The following UBXN6 variants were observed in gnomAD, a reference collection of about 807,000 sequenced individuals.
UBXN6 encodes the protein UBX domain protein 6.
UBXN6 carries 44 observed loss-of-function variants against 51.4 expected under a neutral mutation model. The ratio of observed to expected loss-of-function variants is 0.86; its 90% CI spans 0.67 to 1.10. The LOEUF (loss-of-function observed/expected upper bound fraction) is 1.10, where lower values mean the gene tolerates loss of function less well. Ranked by LOEUF, UBXN6 falls within the 50% of genes least tolerant of loss-of-function variation. The pLI, the probability that UBXN6 is intolerant of heterozygous loss-of-function variation, is 0.00. For missense variants in UBXN6, 672 were observed against 596.1 expected (o/e 1.13, Z -1.32); for synonymous variants, 316 against 263.2 (o/e 1.20, Z -1.94).
At chr19:4,457,433 CCCTGACGCCCA>C in intron 1 of UBXN6, among the ~76,000 whole-genome samples, 171 bp downstream of exon 1, 1 of 133,830 alleles carries the variant, frequency 7.5e-6, no homozygotes, top group Admixed American at 7.4e-5. Flanking sequence ...TCTCCCCTCC[CCCTGACGCCCA>C]CCCTCGGCCC....
intron 10 of UBXN6, 130 bp from the exon 11 acceptor site, chr19:4,445,753 C>T (rs1332790330): frequency 6.3e-6 from 9 of 1,435,618 alleles, no homozygotes; most frequent in South Asian, 2.7e-5. Flanking sequence ...GGCTGTGGCT[C>T]GCACCCAGGC....
rs774381742 is a variant in UBXN6 at position 4,452,436 on chromosome 19, G to A, written c.369C>T (p.Phe123=). ...GGGTGGCCCCAGTGAGCGGACAGGT[G>A]AAGTACACGCCAGGCACAGCCAGGT... ...SAHLAVPGVY[F]TCPLTGATLR... is the part of the protein sequence containing the mutation. The change falls in exon 4 of 11, where the codon TTC becomes TTT. Residue 123 remains phenylalanine, a synonymous_variant. Transcript: ENST00000301281. 1.2e-6 allele frequency: 2 copies of A among 1,612,716 alleles called. No homozygotes were observed. Among genetic ancestry groups the A allele is most frequent in the South Asian group, 1.1e-5 (1 of 90,988 alleles).
At chr19:4,447,348 G>T in intron 6 of UBXN6, 1 of 604,254 alleles carries the variant, frequency 1.7e-6, no homozygotes, top group South Asian at 1.9e-5. Flanking sequence ...AGAATTTGTT[G>T]ATTTGGGGTG....
chr19:4,454,496 T>A (rs774534985), intron 1 of UBXN6, among the ~76,000 whole-genome samples: 107 of 152,134 alleles, frequency 7.0e-4, no homozygotes, highest in Non-Finnish European at 8.1e-4. Context: ...GATCATGGCT[T>A]ACTGCAATCC....
At chr19:4,451,574 G>A (rs534866083) in intron 4 of UBXN6, among the ~76,000 whole-genome samples, 28 of 152,216 alleles carry the variant, frequency 1.8e-4, no homozygotes, top group East Asian at 1.2e-3. Flanking sequence ...GGCTAAAGCC[G>A]AAGTTTCTGA....
intron 7 of UBXN6, 37 bp downstream of exon 7, chr19:4,446,799 T>G: frequency 1.2e-6 from 2 of 1,613,754 alleles, no homozygotes; most frequent in East Asian, 2.2e-5. Flanking sequence ...AGGCCCCTCG[T>G]CCCCATTCCC....
At chr19:4,455,221 G>C (rs1018276549) in intron 1 of UBXN6, 2 of 985,330 alleles carry the variant, frequency 2.0e-6, no homozygotes, top group Admixed American at 6.2e-5. Context: ...ATGAACTTAC[G>C]GGCTGTGTCA....
intron 4 of UBXN6, among the ~76,000 whole-genome samples, chr19:4,451,540 G>A (rs1974653723): frequency 6.6e-6 from 1 of 152,174 alleles, no homozygotes; most frequent in African/African-American, 2.4e-5. Flanking sequence ...TTTTGGCAGA[G>A]ACAGGGTTTT....
chr19:4,445,719 C>G lies in UBXN6; in HGVS notation c.1201-96G>C, dbSNP rs139000566. On this transcript the variant is annotated intron_variant, in intron 10 of 10. Transcript: ENST00000301281. ...AACCTGGGCGCGGGGATGCCCCGGC[C>G]TGGAAGCCATCTCAGCTGGTGGAGG... The G allele has an allele frequency of 2.1e-4, 328 of 1,536,240 alleles. 2 individuals are homozygous for G. In the African/African-American group the frequency reaches 4.1e-3, roughly 19 times the overall value.
At chr19:4,447,797 C>T (rs1050033403) in intron 5 of UBXN6, 172 bp from the exon 6 acceptor site, 20 of 653,418 alleles carry the variant, frequency 3.1e-5, no homozygotes, top group South Asian at 8.5e-5. Context: ...AGGCACACCT[C>T]GGACACCCCA....
rs1229465331 is a variant in UBXN6 at position 4,453,445 on chromosome 19, T to C, written c.312+13A>G. The C allele has an allele frequency of 6.2e-7, 1 of 1,612,362 alleles. No homozygotes were observed. Reference sequence around the variant, plus strand: ...CCTTGGCATGGGACAGTGCCACCAGTGGCTGTTCTTACCACGTTGGTCCCT... The same window carrying C: ...CCTTGGCATGGGACAGTGCCACCAGCGGCTGTTCTTACCACGTTGGTCCCT... On this transcript the variant is annotated intron_variant, in intron 3 of 10. Coordinates refer to ENST00000301281, the MANE Select transcript of UBXN6 (RefSeq NM_025241.3).
rs781601968 is a variant in UBXN6 at position 4,446,681 on chromosome 19, A to G, written c.739T>C (p.Leu247=). 4 of 1,611,558 alleles carry G rather than the reference A, an allele frequency of 2.5e-6. No homozygotes were observed. In the African/African-American group the frequency reaches 4.0e-5, roughly 16 times the overall value. Residue 247 remains leucine (L), a synonymous_variant, in exon 8 of 11, where the codon TTG becomes CTG. Coordinates refer to ENST00000301281, the MANE Select transcript of UBXN6 (RefSeq NM_025241.3). ...CTCTCCAGGCTCTGGGGCTGGGCCA[A>G]GGTGGTCTCGCTCAGCACGTAGAAC... is the stretch of plus-strand genomic sequence containing the variant. ...EEFYVLSETT[L]AQPQSLERHK...
At position 4,445,459 on chromosome 19, in the gene UBXN6, A is replaced by G. The variant is rs769074676; in HGVS notation, c.*39T>C. On this transcript the variant is annotated 3_prime_UTR_variant, in exon 11 of 11. Coordinates refer to ENST00000301281, the MANE Select transcript of UBXN6 (RefSeq NM_025241.3). ...CGGGGAGAGGAACAGGGAGAGCATG[A>G]GACAGACCCACAGGGCTGAGGCCAA... 4.3e-6 allele frequency: 7 copies of G among 1,612,718 alleles called. No individual in the cohort carries two copies. Among genetic ancestry groups the G allele is most frequent in the Middle Eastern group, 1.7e-4 (1 of 6,054 alleles).
At chr19:4,456,410 TC>T (rs1368169107) in intron 1 of UBXN6, among the ~76,000 whole-genome samples, 3 of 118,900 alleles carry the variant, frequency 2.5e-5, no homozygotes, top group Non-Finnish European at 5.2e-5. Context: ...TCCTGCCACC[TC>T]CCTGCCTCTC....
chr19:4,447,212 C>T (rs1181893774), intron 6 of UBXN6: 2 of 578,350 alleles, frequency 3.5e-6, no homozygotes, highest in African/African-American at 1.9e-5. Context: ...CGCCCAGGAC[C>T]CCAGTCCCTG....
intron 1 of UBXN6, chr19:4,455,194 CCT>C (rs1974723618): frequency 2.0e-6 from 2 of 985,296 alleles, no homozygotes; most frequent in Non-Finnish European, 2.4e-6. Flanking sequence ...TCACCCGTCT[CCT>C]CTCAGGCCCC....
chr19:4,452,562 G>A, intron 3 of UBXN6, 70 bp from the exon 4 acceptor site: 2 of 1,526,254 alleles, frequency 1.3e-6, no homozygotes, highest in Non-Finnish European at 1.8e-6. Context: ...GAGCACCACA[G>A]TCCTGAGTGT....
rs141667104 is a variant in UBXN6 at position 4,446,055 on chromosome 19, G to A, written c.1194C>T (p.Cys398=). 269 of 1,611,066 alleles carry A rather than the reference G, an allele frequency of 1.7e-4. 2 individuals are homozygous for A. The African/African-American group carries it at 2.6e-3, about 15-fold the overall frequency. Residue 398 remains cysteine (C), a synonymous_variant, in exon 10 of 11, where the codon TGC becomes TGT. Transcript: ENST00000301281. ...CCTGCGGGCCGACACTCACCAGCCCGCACTCGTTCAAGGCCAGGTTCTCGT... is the reference window on the plus strand; with the variant it reads ...CCTGCGGGCCGACACTCACCAGCCCACACTCGTTCAAGGCCAGGTTCTCGT... ...SEDENLALNE[C]GLVPSALLTF... is the part of the protein sequence containing the mutation.
intron 3 of UBXN6, 113 bp from the exon 4 acceptor site, chr19:4,452,605 G>T (rs911849652): frequency 7.2e-7 from 1 of 1,393,714 alleles, no homozygotes; most frequent in East Asian, 2.6e-5. Flanking sequence ...CAGCCCCCAT[G>T]CTGTCCCTTC....
Sources: gnomAD v4.1 joint callset for allele counts (sites outside exome capture counted in the v4.1 genomes callset) on GRCh38, gnomAD v4.1.1 for gene constraint, MANE v1.5 for transcripts, NCBI Gene and HGNC (gene_info 2026-07-23, HGNC 2026-07-21) for gene names.